RIN3: variants seen among roughly 807,000 people sequenced by gnomAD.
The protein encoded by RIN3 is Ras and Rab interactor 3.
Under a neutral mutation model 76.3 loss-of-function variants are expected in RIN3, and 54 were observed. That is an observed-to-expected ratio of 0.71 (90% confidence interval 0.57 to 0.89). RIN3 has a LOEUF of 0.89. Among genes scored for constraint, RIN3 ranks in the 40% least tolerant of loss-of-function variants. RIN3 has a pLI of 0.00. For missense variants in RIN3, 1,256 were observed against 1,322.1 expected (o/e 0.95, Z 0.78); for synonymous variants, 576 against 564.0 (o/e 1.02, Z -0.30).
At chr14:92,667,077 G>A (rs1304274518) in intron 7 of RIN3, among the ~76,000 whole-genome samples, 2 of 152,134 alleles carry the variant, frequency 1.3e-5, no homozygotes, top group African/African-American at 2.4e-5. Flanking sequence ...TTCAGGCAGG[G>A]GCAGCCGCAG....
intron 1 of RIN3, among the ~76,000 whole-genome samples, chr14:92,540,523 C>CA (rs1397809581): frequency 6.6e-6 from 1 of 152,220 alleles, no homozygotes; most frequent in Admixed American, 6.5e-5. Flanking sequence ...GTGCTTTGTG[C>CA]ATGTGTGAGA....
chr14:92,574,527 G>A (rs780376842), intron 2 of RIN3, among the ~76,000 whole-genome samples: 1 of 152,192 alleles, frequency 6.6e-6, no homozygotes, highest in Admixed American at 6.5e-5. Context: ...GCTTGTCTAT[G>A]TTTGCCGCTT....
At position 92,577,306 on chromosome 14, in the gene RIN3, C is replaced by T. The variant is rs1898273135; in HGVS notation, c.250-54C>T. Reference sequence around the variant, plus strand: ...ACTTCCATCTCGTGGTTGTCCTCCTCACCTTCACCCAAATCTTTAATTCAC... The same window carrying T: ...ACTTCCATCTCGTGGTTGTCCTCCTTACCTTCACCCAAATCTTTAATTCAC... On this transcript the variant is annotated intron_variant, in intron 2 of 9. Coordinates refer to ENST00000216487, the MANE Select transcript of RIN3 (RefSeq NM_024832.5). 7.7e-6 allele frequency: 10 copies of T among 1,300,818 alleles called. No homozygotes were observed. The Admixed American group carries it at 1.0e-4, about 14-fold the overall frequency. 80.6% of individuals were successfully genotyped at this position (1,300,818 alleles called of 1,614,324 possible).
intron 1 of RIN3, among the ~76,000 whole-genome samples, chr14:92,515,759 C>T (rs568421108): frequency 6.6e-6 from 1 of 152,368 alleles, no homozygotes; most frequent in South Asian, 2.1e-4. Context: ...TAGCTGCCCC[C>T]AGGCAGCTTA....
chr14:92,569,141 G>GC (rs1263335503), intron 2 of RIN3, among the ~76,000 whole-genome samples: 4 of 152,280 alleles, frequency 2.6e-5, no homozygotes, highest in African/African-American at 9.6e-5. Flanking sequence ...GCCTCCTCTT[G>GC]CCCTGGATCT....
chr14:92,543,265 G>C (rs1267389473), intron 1 of RIN3, among the ~76,000 whole-genome samples: 4 of 152,036 alleles, frequency 2.6e-5, no homozygotes, highest in African/African-American at 9.7e-5. Flanking sequence ...ATGGGGGGTG[G>C]GGGGAGTAGT....
In RIN3 at chr14:92,679,607, T is replaced by A. The variant is rs185775378; in HGVS notation, c.2467+3001T>A. 5.7e-4 allele frequency among the ~76,000 whole-genome samples: 87 copies of A among 152,212 alleles called. No individual in the cohort carries two copies. In the East Asian group the frequency reaches 9.3e-3, roughly 16 times the overall value. On this transcript the variant is annotated intron_variant, in intron 8 of 9. Coordinates refer to ENST00000216487, the MANE Select transcript of RIN3 (RefSeq NM_024832.5). ...GCAGAGGGGCAAGGGTGAGGTGGTGTTTCTGAGTTTCTCTGGCTTAGCCCT... is the reference window on the plus strand; with the variant it reads ...GCAGAGGGGCAAGGGTGAGGTGGTGATTCTGAGTTTCTCTGGCTTAGCCCT...
At chr14:92,565,060 C>T (rs895414337) in intron 2 of RIN3, among the ~76,000 whole-genome samples, 17 of 152,276 alleles carry the variant, frequency 1.1e-4, no homozygotes, top group Non-Finnish European at 2.4e-4. Flanking sequence ...ACAAAGGTGG[C>T]CCCGGCACTG....
At chr14:92,683,190 C>T (rs545567770) in intron 8 of RIN3, among the ~76,000 whole-genome samples, 5 of 152,002 alleles carry the variant, frequency 3.3e-5, no homozygotes, top group Admixed American at 1.3e-4. Context: ...AGAAAAAAAT[C>T]GTCATCCTGG....
intron 3 of RIN3, among the ~76,000 whole-genome samples, chr14:92,591,601 A>G (rs1884981367): frequency 1.3e-5 from 2 of 152,172 alleles, no homozygotes. Flanking sequence ...GGAGAAAAAC[A>G]CCTTGCCTAT....
chr14:92,569,670 T>A (rs930712228), intron 2 of RIN3, among the ~76,000 whole-genome samples: 2 of 151,694 alleles, frequency 1.3e-5, no homozygotes, highest in African/African-American at 4.8e-5. Flanking sequence ...GAAATAGCTA[T>A]GGGCTAGGTG....
chr14:92,675,008 AG>A (rs1196412793), intron 7 of RIN3, among the ~76,000 whole-genome samples: 1 of 152,192 alleles, frequency 6.6e-6, no homozygotes, highest in Non-Finnish European at 1.5e-5. Context: ...TGTGTGTGAT[AG>A]GAACTTGCCA....
intron 3 of RIN3, among the ~76,000 whole-genome samples, chr14:92,579,485 G>T (rs1234243526): frequency 3.9e-5 from 6 of 152,224 alleles, no homozygotes; most frequent in Non-Finnish European, 8.8e-5. Flanking sequence ...CATAATTTTT[G>T]CAAAAGCAGT....
chr14:92,668,179 C>T (rs546925175), intron 7 of RIN3, among the ~76,000 whole-genome samples: 36 of 152,318 alleles, frequency 2.4e-4, no homozygotes, highest in African/African-American at 6.3e-4. Flanking sequence ...TTAAGTAGCA[C>T]GCTTAGGGTC....
chr14:92,651,738 A>G lies in RIN3; in HGVS notation c.689A>G (p.Asp230Gly). 6.2e-7 allele frequency: 1 copy of G among 1,613,958 alleles called. No individual in the cohort carries two copies. The highest frequency in any genetic ancestry group is 1.1e-5 in the South Asian group (1 of 91,078). ...GAAATCGAGCTGTCGGTAGGAAATG[A>G]CCGCCTGTGGTTTGTGAATCCTATT... ...ACEIELSVGN[D>G]RLWFVNPIFI... The change falls in exon 6 of 10, where the codon GAC (aspartate) becomes GGC (glycine). Residue 230 changes from aspartate to glycine, a missense_variant. Asp to Gly is a moderately conservative substitution (Grantham distance 94). This residue lies in a region of RIN3 where 610 missense variants were observed against 626.4 expected (regional missense o/e 0.97). Coordinates refer to ENST00000216487, the MANE Select transcript of RIN3 (RefSeq NM_024832.5).
intron 7 of RIN3, among the ~76,000 whole-genome samples, chr14:92,671,312 G>C (rs532301682): frequency 6.6e-6 from 1 of 152,262 alleles, no homozygotes; most frequent in East Asian, 1.9e-4. Context: ...AAGGTAGGGA[G>C]GGGGTCCCAG....
intron 1 of RIN3, among the ~76,000 whole-genome samples, chr14:92,539,630 C>T (rs1341002408): frequency 6.6e-6 from 1 of 152,118 alleles, no homozygotes; most frequent in Non-Finnish European, 1.5e-5. Context: ...GTGGACAGAC[C>T]TGCCCAGGAC....
At chr14:92,562,505 T>TACTTATATA (rs1897804420) in intron 2 of RIN3, among the ~76,000 whole-genome samples, 1 of 152,214 alleles carries the variant, frequency 6.6e-6, no homozygotes, top group African/African-American at 2.4e-5. Flanking sequence ...CCCATCTATT[T>TACTTATATA]GTTAAGCCAT....
chr14:92,683,437 A>G (rs1888737890), intron 8 of RIN3, among the ~76,000 whole-genome samples: 2 of 152,216 alleles, frequency 1.3e-5, no homozygotes, highest in African/African-American at 4.8e-5. Context: ...CCTTTTAACC[A>G]AAGTCCCAAA....
Sources: gnomAD v4.1 joint callset for allele counts (sites outside exome capture counted in the v4.1 genomes callset) on GRCh38, gnomAD v4.1.1 for gene constraint, gnomAD v4.1.1 regional missense constraint, MANE v1.5 for transcripts, NCBI Gene and HGNC (gene_info 2026-07-23, HGNC 2026-07-21) for gene names.